Variants in PIK3C2B observed in about 807,000 individuals in gnomAD.
PIK3C2B encodes the protein phosphatidylinositol-4-phosphate 3-kinase catalytic subunit type 2 beta.
A neutral mutation model predicts 184.3 loss-of-function variants in PIK3C2B; 83 were observed. The ratio of observed to expected loss-of-function variants is 0.45; its 90% confidence interval spans 0.38 to 0.54. The LOEUF is 0.54. Among genes scored for constraint, PIK3C2B ranks in the 20% least tolerant of loss-of-function variants. PIK3C2B has a pLI of 0.00. For synonymous variants in PIK3C2B, 779 were observed against 837.6 expected (o/e 0.93, Z 1.21); for missense variants, 1,736 against 2,113.5 (o/e 0.82, Z 3.50).
At chr1:204,481,805 C>T (rs979964691) in intron 1 of PIK3C2B, among the ~76,000 whole-genome samples, 2 of 152,192 alleles carry the variant, frequency 1.3e-5, no homozygotes, top group South Asian at 2.1e-4. Context: ...CCAGGGTGGC[C>T]GGTCATTCCC....
At chr1:204,490,793 C>T (rs1186330055) in intron 1 of PIK3C2B, among the ~76,000 whole-genome samples, 3 of 151,188 alleles carry the variant, frequency 2.0e-5, no homozygotes, top group African/African-American at 4.9e-5. Context: ...CAAGAATAGT[C>T]CCTCAAGTTT....
chr1:204,451,301 A>C (rs960646086), intron 12 of PIK3C2B, among the ~76,000 whole-genome samples: 3 of 152,110 alleles, frequency 2.0e-5, no homozygotes, highest in Admixed American at 1.3e-4. Flanking sequence ...TTTTCACCCA[A>C]GGAAGAAGCT....
At chr1:204,472,590 C>T (rs1213040953) in intron 1 of PIK3C2B, among the ~76,000 whole-genome samples, 1 of 151,968 alleles carries the variant, frequency 6.6e-6, no homozygotes, top group Non-Finnish European at 1.5e-5. Flanking sequence ...ACCAGCCTGG[C>T]TAACATGGTG....
rs554968424 is a variant in PIK3C2B at position 204,460,545 on chromosome 1, C to T, written c.1422+5G>A. The T allele has an allele frequency of 8.7e-6, 14 of 1,611,560 alleles. No individual in the cohort carries two copies. The highest frequency in any genetic ancestry group is 1.1e-5 in the South Asian group (1 of 91,026). ...TGGGCAACCCTCCACCACCCTCACACGAACCGTCCGGGCCAGGTCACTGCG... is the reference window on the plus strand; with the variant it reads ...TGGGCAACCCTCCACCACCCTCACATGAACCGTCCGGGCCAGGTCACTGCG... On this transcript the variant is annotated splice_donor_5th_base_variant and intron_variant, in intron 6 of 32. Coordinates refer to ENST00000684373, the MANE Select transcript of PIK3C2B (RefSeq NM_001377334.1).
In PIK3C2B at chr1:204,446,009, CAGG is replaced by C; in HGVS notation, c.2622_2624del (p.Leu875del). On this transcript the variant is annotated inframe_deletion, in exon 16 of 33. Coordinates refer to ENST00000684373, the MANE Select transcript of PIK3C2B (RefSeq NM_001377334.1). ...GGTGGTTCATGTGGGTCCACTGCTTCAGGAGAACATAGATGTCAGGCAGGCAAG... is the reference window on the plus strand; with the variant it reads ...GGTGGTTCATGTGGGTCCACTGCTTCAGAACATAGATGTCAGGCAGGCAAG... The C allele has an allele frequency of 1.3e-6, 2 of 1,598,480 alleles. No homozygotes were observed. Among genetic ancestry groups the C allele is most frequent in the Non-Finnish European group, 8.5e-7 (1 of 1,169,610 alleles).
Position 204,433,415 on chromosome 1 carries a change from C to T in PIK3C2B, c.3854G>A (p.Cys1285Tyr). ...FLNLLGLMLS[C>Y]GIPELSDLED... ...CAGGTCTGAGAGTTCAGGGATCCCACAGGACAACATCTAGAAGGAGCAGAA... is the reference window on the plus strand; with the variant it reads ...CAGGTCTGAGAGTTCAGGGATCCCATAGGACAACATCTAGAAGGAGCAGAA... The change falls in exon 26 of 33, where the codon TGT (cysteine) becomes TAT (tyrosine). Residue 1285 changes from cysteine (C) to tyrosine (Y), a missense_variant. Physicochemically the swap from Cys to Tyr is radical, Grantham distance 194. This residue lies in a region of PIK3C2B where 119 missense variants were observed against 179.3 expected (regional missense o/e 0.66). Transcript: ENST00000684373. This position sits in a 1 kb window ranked among gnomAD's most constrained non-coding sequence, Gnocchi z 5.0. 6.3e-7 allele frequency: 1 copy of T among 1,593,580 alleles called. No individual in the cohort carries two copies. The highest frequency in any genetic ancestry group is 2.2e-5 in the East Asian group (1 of 44,782).
Position 204,459,945 on chromosome 1 carries a change from G to T in PIK3C2B, c.1503-4C>A. The T allele has an allele frequency of 6.2e-7, 1 of 1,613,546 alleles. No homozygotes were observed. Among genetic ancestry groups the T allele is most frequent in the Non-Finnish European group, 8.5e-7 (1 of 1,179,752 alleles). ...GAACAGAAGACTCAGGGCCTGCCTG[G>T]GAGTTGGGGGCAGGGAAAAACCACA... On this transcript the variant is annotated splice_polypyrimidine_tract_variant and splice_region_variant and intron_variant, in intron 7 of 32. Transcript: ENST00000684373.
intron 1 of PIK3C2B, chr1:204,490,077 G>T (rs547107320): frequency 2.5e-6 from 1 of 396,340 alleles, no homozygotes; most frequent in Non-Finnish European, 4.4e-6. Flanking sequence ...CCTCTATGGT[G>T]GAACAGTGGC....
At chr1:204,491,411 G>A (rs940200286) in intron 1 of PIK3C2B, among the ~76,000 whole-genome samples, 2 of 151,464 alleles carry the variant, frequency 1.3e-5, no homozygotes, top group Non-Finnish European at 2.9e-5. Flanking sequence ...TGAATTCTGA[G>A]GCTGGACATA....
At position 204,431,722 on chromosome 1, in the gene PIK3C2B, G is replaced by T. The variant is rs1391500110; in HGVS notation, c.4227C>A (p.Phe1409Leu). The T allele has an allele frequency of 5.0e-6, 8 of 1,614,140 alleles. No individual in the cohort carries two copies. Among genetic ancestry groups the T allele is most frequent in the Non-Finnish European group, 6.8e-6 (8 of 1,180,024 alleles). Residue 1409 changes from phenylalanine to leucine, a missense_variant, in exon 28 of 33, where the codon TTC becomes TTA. Phe to Leu is a conservative substitution (Grantham distance 22). This residue lies in a region of PIK3C2B where 200 missense variants were observed against 199.1 expected (regional missense o/e 1.00). Transcript: ENST00000684373. Reference protein sequence around the residue: ...ATYIQRTFEEFQELHNKLRLL... With the variant: ...ATYIQRTFEELQELHNKLRLL... ...GCCGCAACTTATTGTGTAATTCCTG[G>T]AACTCCTCAAAGGTCCGCTGGATGT...
In PIK3C2B at chr1:204,469,535, T is replaced by C. The variant is rs766126826; in HGVS notation, c.268A>G (p.Thr90Ala). The stretch of plus-strand genomic sequence containing the variant: ...GGGGAGAGTGAGTTGTAGTTAAGGG[T>C]AGGATCAGAGCCAGAGAGACCGCGT... ...LLRGLSGSDPTLNYNSLSPQE... is the reference protein window; with the variant it reads ...LLRGLSGSDPALNYNSLSPQE... Residue 90 changes from threonine (T) to alanine (A), a missense_variant, in exon 2 of 33, where the codon ACC becomes GCC. This residue lies in a region of PIK3C2B where 404 missense variants were observed against 418.0 expected (regional missense o/e 0.97). Coordinates refer to ENST00000684373, the MANE Select transcript of PIK3C2B (RefSeq NM_001377334.1). 13 of 1,601,598 alleles carry C rather than the reference T, an allele frequency of 8.1e-6. No individual in the cohort carries two copies. In the Admixed American group the frequency reaches 1.2e-4, roughly 15 times the overall value.
chr1:204,448,927 A>T (rs1654108169), intron 14 of PIK3C2B, among the ~76,000 whole-genome samples: 1 of 152,186 alleles, frequency 6.6e-6, no homozygotes, highest in Admixed American at 6.5e-5. Flanking sequence ...TGAGCCCTGA[A>T]TGCAGAGGGT....
chr1:204,474,141 G>A (rs1459138847), intron 1 of PIK3C2B, among the ~76,000 whole-genome samples: 6 of 152,096 alleles, frequency 3.9e-5, no homozygotes, highest in Non-Finnish European at 5.9e-5. Context: ...GCAGGCATGC[G>A]CCACCACGCG....
At chr1:204,473,411 A>G (rs1192562886) in intron 1 of PIK3C2B, among the ~76,000 whole-genome samples, 1 of 152,216 alleles carries the variant, frequency 6.6e-6, no homozygotes, top group Non-Finnish European at 1.5e-5. Context: ...CACAGTGGGT[A>G]TGAGGGAGTC....
intron 29 of PIK3C2B, 130 bp from the exon 30 acceptor site, chr1:204,428,350 A>G: frequency 1.6e-6 from 1 of 621,438 alleles, no homozygotes; most frequent in South Asian, 2.0e-5. Context: ...TCTTATGTGG[A>G]TTATAGCTCT....
intron 29 of PIK3C2B, 67 bp downstream of exon 29, chr1:204,429,854 T>C: frequency 9.5e-7 from 1 of 1,051,454 alleles, no homozygotes; most frequent in African/African-American, 1.6e-5. Context: ...TCCGGATGCT[T>C]CCACCTCTGC....
At chr1:204,468,552 A>T (rs16853781) in intron 2 of PIK3C2B, among the ~76,000 whole-genome samples, 1 of 152,150 alleles carries the variant, frequency 6.6e-6, no homozygotes, top group African/African-American at 2.4e-5. Context: ...AATGAATCCC[A>T]TAACTCCCAA....
At chr1:204,435,499 C>A (rs1418856110) in intron 23 of PIK3C2B, 1 of 152,132 alleles carries the variant, frequency 6.6e-6, no homozygotes, top group East Asian at 1.9e-4. Context: ...GGAAAGCTTA[C>A]TAGATATGGA....
chr1:204,468,700 A>T (rs1167266959), intron 2 of PIK3C2B, among the ~76,000 whole-genome samples, 170 bp downstream of exon 2: 1 of 152,160 alleles, frequency 6.6e-6, no homozygotes, highest in Non-Finnish European at 1.5e-5. Context: ...GTCCACCCCT[A>T]ATCAAGCCTC....
Sources: allele counts gnomAD v4.1 joint callset (sites outside exome capture counted in the v4.1 genomes callset), GRCh38; gene constraint gnomAD v4.1.1; regional missense constraint gnomAD v4.1.1; non-coding constraint Gnocchi (gnomAD v3.1); transcripts MANE v1.5; gene names NCBI Gene and HGNC (gene_info 2026-07-23, HGNC 2026-07-21).